The following CCDC175 variants were observed in gnomAD, a reference collection of about 807,000 sequenced individuals.
CCDC175 encodes coiled-coil domain-containing protein 175.
Under a neutral mutation model 114.6 loss-of-function variants are expected in CCDC175, and 100 were observed. The observed-to-expected ratio is 0.87, with a 90% CI of 0.74 to 1.03. The LOEUF is 1.03. Ranked by LOEUF, CCDC175 falls within the 50% of genes least tolerant of loss-of-function variation. The pLI is 0.00. For synonymous variants in CCDC175, 306 were observed against 308.7 expected (o/e 0.99, Z 0.09); for missense variants, 880 against 917.8 (o/e 0.96, Z 0.53).
chr14:59,507,941 C>T (rs779712329), intron 19 of CCDC175, among the ~76,000 whole-genome samples: 1 of 152,096 alleles, frequency 6.6e-6, no homozygotes, highest in African/African-American at 2.4e-5. Context: ...TTATCATGAA[C>T]GCAGGATGTG....
At chr14:59,565,016 T>C in intron 5 of CCDC175, 31 bp downstream of exon 5, 1 of 1,385,660 alleles carries the variant, frequency 7.2e-7, no homozygotes, top group Non-Finnish European at 9.8e-7. Flanking sequence ...TATACATTAT[T>C]GTATTTTAAA....
chr14:59,515,268 A>C (rs1014131860), intron 17 of CCDC175, among the ~76,000 whole-genome samples: 2 of 152,232 alleles, frequency 1.3e-5, no homozygotes, highest in African/African-American at 4.8e-5. Context: ...CTAACAAGCA[A>C]AATAACCAGC....
intron 11 of CCDC175, among the ~76,000 whole-genome samples, 188 bp downstream of exon 11, chr14:59,540,487 C>T (rs1414662034): frequency 4.8e-5 from 5 of 104,904 alleles, no homozygotes; most frequent in African/African-American, 1.5e-4. Flanking sequence ...TGATTCTGTT[C>T]AATGCCAAAA....
chr14:59,517,820 C>T (rs563257572), intron 17 of CCDC175, among the ~76,000 whole-genome samples: 1 of 152,136 alleles, frequency 6.6e-6, no homozygotes, highest in Non-Finnish European at 1.5e-5. Context: ...GAAAAAACTA[C>T]TTTAAAGTTC....
chr14:59,518,510 T>C (rs1161282304), intron 17 of CCDC175, among the ~76,000 whole-genome samples: 1 of 152,162 alleles, frequency 6.6e-6, no homozygotes, highest in Non-Finnish European at 1.5e-5. Context: ...GGGCGAAGGA[T>C]ATGAACAGAC....
At chr14:59,521,105 T>C (rs1893405001) in intron 17 of CCDC175, among the ~76,000 whole-genome samples, 1 of 152,190 alleles carries the variant, frequency 6.6e-6, no homozygotes, top group East Asian at 1.9e-4. Context: ...TATGAGGGTG[T>C]TAACCAAAGG....
At chr14:59,563,231 T>C (rs1380181601) in intron 6 of CCDC175, among the ~76,000 whole-genome samples, 2 of 152,198 alleles carry the variant, frequency 1.3e-5, no homozygotes, top group Non-Finnish European at 2.9e-5. Flanking sequence ...GTGTTGCCTT[T>C]CAGTAAATGT....
At chr14:59,537,661 C>G (rs569043037) in intron 13 of CCDC175, among the ~76,000 whole-genome samples, 10 of 152,272 alleles carry the variant, frequency 6.6e-5, no homozygotes, top group African/African-American at 2.4e-4. Flanking sequence ...GTTCTCAAGA[C>G]AGCATGATAC....
At chr14:59,566,584 G>A (rs1445278282) in intron 4 of CCDC175, among the ~76,000 whole-genome samples, 1 of 152,158 alleles carries the variant, frequency 6.6e-6, no homozygotes, top group Admixed American at 6.5e-5. Context: ...TTGAGGACTG[G>A]AGCCTCGGGG....
In CCDC175 at chr14:59,519,743, A is replaced by G. The variant is rs540423495; in HGVS notation, c.2098+1831T>C. On this transcript the variant is annotated intron_variant, in intron 17 of 19. Coordinates refer to ENST00000537690, the MANE Select transcript of CCDC175 (RefSeq NM_001164399.2). The stretch of plus-strand genomic sequence containing the variant: ...CTTCTTCCATTGAGAGGTGGTGGCT[A>G]TGACCCCTCCCCTTGCACCTGAGTG... Among the ~76,000 whole-genome samples the G allele has an allele frequency of 1.4e-4, 21 of 152,304 alleles. No homozygotes were observed. In the South Asian group the frequency reaches 3.9e-3, roughly 29 times the overall value.
intron 3 of CCDC175, 62 bp downstream of exon 3, chr14:59,572,640 G>T: frequency 4.5e-6 from 4 of 885,678 alleles, no homozygotes; most frequent in Non-Finnish European, 5.0e-6. Flanking sequence ...TTATCTTGTT[G>T]AAAGTACTTC....
chr14:59,509,124 T>C (rs538995198), intron 19 of CCDC175, among the ~76,000 whole-genome samples: 74 of 152,322 alleles, frequency 4.9e-4, no homozygotes, highest in Middle Eastern at 3.4e-3. Context: ...TCTAAGAGTC[T>C]ATTTAAATTT....
intron 4 of CCDC175, among the ~76,000 whole-genome samples, chr14:59,566,652 A>C (rs1016404616): frequency 6.6e-6 from 1 of 152,204 alleles, no homozygotes; most frequent in African/African-American, 2.4e-5. Context: ...TGATGGGCTG[A>C]GAAGAAAAGA....
At chr14:59,522,900 C>T (rs138682804) in intron 16 of CCDC175, among the ~76,000 whole-genome samples, 38 of 152,298 alleles carry the variant, frequency 2.5e-4, no homozygotes, top group African/African-American at 8.9e-4. Flanking sequence ...CAAAGGGCTG[C>T]GGCAGTATCT....
chr14:59,507,858 G>A (rs1892514294), intron 19 of CCDC175, among the ~76,000 whole-genome samples: 1 of 152,162 alleles, frequency 6.6e-6, no homozygotes, highest in Non-Finnish European at 1.5e-5. Context: ...CACACCTGTA[G>A]GGAGCTGAAG....
rs1045819160 is a variant in CCDC175 at position 59,544,036 on chromosome 14, T to C, written c.1173-582A>G. The stretch of plus-strand genomic sequence containing the variant: ...AAGAGTGTGATCTTAAGCTAACAAT[T>C]AGCTTCACCTGTGAATAAGCTTCAG... On this transcript the variant is annotated intron_variant, in intron 9 of 19. Coordinates refer to ENST00000537690, the MANE Select transcript of CCDC175 (RefSeq NM_001164399.2). Among the ~76,000 whole-genome samples, 18 of 152,342 alleles carry C rather than the reference T, an allele frequency of 1.2e-4. 1 individual carries two copies. Among genetic ancestry groups the C allele is most frequent in the Admixed American group, 9.1e-4 (14 of 15,308 alleles).
At chr14:59,527,351 T>C (rs1182238727) in intron 14 of CCDC175, among the ~76,000 whole-genome samples, 177 bp from the exon 15 acceptor site, 1 of 152,210 alleles carries the variant, frequency 6.6e-6, no homozygotes, top group Non-Finnish European at 1.5e-5. Flanking sequence ...CAAACATTTT[T>C]AACTCTTTTT....
At position 59,505,250 on chromosome 14, in the gene CCDC175, A is replaced by C; in HGVS notation, c.2371T>G (p.Leu791Val). The change falls in exon 20 of 20, where the codon TTA becomes GTA. Residue 791 changes from leucine to valine, a missense_variant. By Grantham distance (32) the Leu-to-Val change is conservative (BLOSUM62 1). Coordinates refer to ENST00000537690, the MANE Select transcript of CCDC175 (RefSeq NM_001164399.2). ...GTTGTATCCTTGAGTTACTTTGTTA[A>C]TGTATTTTTCTCAGTACATTTAACC... is the stretch of plus-strand genomic sequence containing the variant. ...PVVKCTEKNT[L>V]TK The C allele has an allele frequency of 6.7e-7, 1 of 1,490,310 alleles. No individual in the cohort carries two copies. Among genetic ancestry groups the C allele is most frequent in the Non-Finnish European group, 9.0e-7 (1 of 1,112,690 alleles). 92.3% of individuals were successfully genotyped at this position (1,490,310 alleles called of 1,614,324 possible).
chr14:59,517,359 A>G (rs557727182), intron 17 of CCDC175, among the ~76,000 whole-genome samples: 112 of 152,358 alleles, frequency 7.4e-4, no homozygotes, highest in African/African-American at 1.3e-3. Context: ...GTATTCAATT[A>G]GCAAAAGAGG....
Sources: allele counts gnomAD v4.1 joint callset (sites outside exome capture counted in the v4.1 genomes callset), GRCh38; gene constraint gnomAD v4.1.1; transcripts MANE v1.5; gene names NCBI Gene and HGNC (gene_info 2026-07-23, HGNC 2026-07-21).